Variants in GLYAT observed in about 807,000 individuals in gnomAD.
GLYAT encodes the protein glycine N-acyltransferase.
In GLYAT, 25 loss-of-function variants were observed where a neutral mutation model predicts 22.8. The observed-to-expected ratio is 1.09, with a 90% CI of 0.80 to 1.53. The LOEUF is 1.53. Ranked by LOEUF, GLYAT falls within the 40% of genes most tolerant of loss-of-function variation. GLYAT has a pLI of 0.00. For missense variants in GLYAT, 411 were observed against 353.9 expected, an observed-to-expected ratio of 1.16 and a Z score of -1.29; for synonymous variants, 140 against 122.7, an observed-to-expected ratio of 1.14 and a Z score of -0.93.
chr11:58,713,262 C>A (rs1189627589), intron 3 of GLYAT, among the ~76,000 whole-genome samples: 1 of 151,994 alleles, frequency 6.6e-6, no homozygotes, highest in African/African-American at 2.4e-5. Flanking sequence ...ATAATTATTT[C>A]TGAATTCTTT....
intron 1 of GLYAT, among the ~76,000 whole-genome samples, chr11:58,726,555 T>C (rs1382168031): frequency 1.3e-5 from 2 of 152,138 alleles, no homozygotes; most frequent in Non-Finnish European, 2.9e-5. Context: ...CTTAGCCCTG[T>C]CCTCCTTATT....
intron 1 of GLYAT, among the ~76,000 whole-genome samples, chr11:58,726,744 TCTTG>T (rs1466823700): frequency 6.6e-6 from 1 of 152,046 alleles, no homozygotes; most frequent in East Asian, 1.9e-4. Context: ...ACCTTGAAGG[TCTTG>T]CAGCATATTG....
At chr11:58,717,128 G>GC (rs1329995769) in intron 2 of GLYAT, among the ~76,000 whole-genome samples, 2 of 151,458 alleles carry the variant, frequency 1.3e-5, no homozygotes, top group South Asian at 2.1e-4. Flanking sequence ...ATTTGGGGGG[G>GC]CCCAAGATAT....
Position 58,726,766 on chromosome 11 carries a change from A to G in GLYAT, c.-15-2255T>C, listed in dbSNP as rs148204166. Among the ~76,000 whole-genome samples the G allele has an allele frequency of 9.9e-5, 15 of 152,186 alleles. No homozygotes were observed. In the East Asian group the frequency reaches 2.7e-3, roughly 27 times the overall value. On this transcript the variant is annotated intron_variant, in intron 1 of 5. Transcript: ENST00000344743. ...AGGTCTTGCAGCATATTGAAAAGGGAGTAGGAGTGATTAGAGAAATGGAGA... is the reference window on the plus strand; with the variant it reads ...AGGTCTTGCAGCATATTGAAAAGGGGGTAGGAGTGATTAGAGAAATGGAGA...
chr11:58,712,684 A>G, intron 4 of GLYAT, 76 bp downstream of exon 4: 1 of 1,233,530 alleles, frequency 8.1e-7, no homozygotes, highest in South Asian at 1.3e-5. Context: ...AGCTTGGAGG[A>G]AGGAGGTATA....
rs765863145 is a variant in GLYAT at position 58,715,435 on chromosome 11, C to T, written c.82-12G>A. On this transcript the variant is annotated splice_polypyrimidine_tract_variant and intron_variant, in intron 2 of 5. Coordinates refer to ENST00000344743, the MANE Select transcript of GLYAT (RefSeq NM_201648.3). ...ACAGTTCCATAAACCTGCAGGATCCCAAGAAATTGACAGGGTTGGTTTATT... is the reference window on the plus strand; with the variant it reads ...ACAGTTCCATAAACCTGCAGGATCCTAAGAAATTGACAGGGTTGGTTTATT... The T allele has an allele frequency of 2.3e-5, 28 of 1,233,656 alleles. 1 individual carries two copies. Among genetic ancestry groups the T allele is most frequent in the African/African-American group, 3.0e-5 (2 of 66,398 alleles). The allele number at this position is 1,233,656 out of a possible 1,614,324, so 76.4% of individuals were successfully genotyped here. A position where few individuals can be genotyped will look rare whatever the true frequency, so the allele number is the denominator to read the frequency against.
intron 1 of GLYAT, among the ~76,000 whole-genome samples, chr11:58,726,186 G>C (rs1856810144): frequency 6.6e-6 from 1 of 152,010 alleles, no homozygotes; most frequent in African/African-American, 2.4e-5. Context: ...TGACATATCT[G>C]GGTGTGGGAT....
chr11:58,724,233 T>G, intron 2 of GLYAT, 183 bp downstream of exon 2: 1 of 483,714 alleles, frequency 2.1e-6, no homozygotes, highest in Non-Finnish European at 3.7e-6. Context: ...TGAGTCTTCA[T>G]TTTCTTAACA....
At chr11:58,716,406 C>G (rs1002985734) in intron 2 of GLYAT, among the ~76,000 whole-genome samples, 11 of 151,882 alleles carry the variant, frequency 7.2e-5, no homozygotes, top group Non-Finnish European at 1.2e-4. Context: ...ACATGAAATA[C>G]TGATGTTAGA....
At chr11:58,717,490 T>C (rs1856698429) in intron 2 of GLYAT, among the ~76,000 whole-genome samples, 1 of 152,054 alleles carries the variant, frequency 6.6e-6, no homozygotes, top group Non-Finnish European at 1.5e-5. Context: ...GTTGTTTGGC[T>C]TCAGTTTTCA....
chr11:58,715,174 A>G, intron 3 of GLYAT, 142 bp downstream of exon 3: 3 of 553,762 alleles, frequency 5.4e-6, no homozygotes, highest in Non-Finnish European at 9.5e-6. Context: ...TGTCTTTCAG[A>G]CTCCGAGCTT....
At position 58,712,906 on chromosome 11, in the gene GLYAT, G is replaced by C. The variant is rs764921951; in HGVS notation, c.190-20C>G. 2 of 1,530,990 alleles carry C rather than the reference G, an allele frequency of 1.3e-6. No homozygotes were observed. The highest frequency in any genetic ancestry group is 1.8e-6 in the Non-Finnish European group (2 of 1,112,632). The allele number at this position is 1,530,990 out of a possible 1,614,324, so 94.8% of individuals were successfully genotyped here. A position where few individuals can be genotyped will look rare whatever the true frequency, so the allele number is the denominator to read the frequency against. ...CATATCCTGTTATCATTAGGAAAAA[G>C]GAAATAAAACACATCCTTATATTTT... On this transcript the variant is annotated intron_variant, in intron 3 of 5. Coordinates refer to ENST00000344743, the MANE Select transcript of GLYAT (RefSeq NM_201648.3).
At chr11:58,719,783 A>G (rs1856726677) in intron 2 of GLYAT, among the ~76,000 whole-genome samples, 1 of 152,044 alleles carries the variant, frequency 6.6e-6, no homozygotes, top group African/African-American at 2.4e-5. Flanking sequence ...AAAAGCATAT[A>G]CAGGAAGATA....
chr11:58,709,884 C>A lies in GLYAT; in HGVS notation c.773G>T (p.Gly258Val), dbSNP rs1394041069. The part of the protein sequence containing the change: ...YSHAQKLGKL[G>V]FPVYSHVDYS... ...GTCTACATGAGAATAGACAGGAAACCCAAGTTTGCCCAATTTCTGGGCGTG... is the reference window on the plus strand; with the variant it reads ...GTCTACATGAGAATAGACAGGAAACACAAGTTTGCCCAATTTCTGGGCGTG... The change falls in exon 6 of 6, where the codon GGG (glycine) becomes GTG (valine). Residue 258 changes from glycine to valine, a missense_variant. Coordinates refer to ENST00000344743, the MANE Select transcript of GLYAT (RefSeq NM_201648.3). The A allele has an allele frequency of 2.5e-6, 4 of 1,613,956 alleles. No homozygotes were observed. The highest frequency in any genetic ancestry group is 3.4e-6 in the Non-Finnish European group (4 of 1,179,996).
rs1221277583 is a variant in GLYAT, at chr11:58,731,882, A to T, written c.-63T>A. The stretch of plus-strand genomic sequence containing the variant: ...TGTTTCCGGGAAGAAACGATGAGCA[A>T]CACCCTTCTGGGAGATGAAATTTCT... On this transcript the variant is annotated 5_prime_UTR_variant, in exon 1 of 6. In the 5' UTR this introduces an upstream ATG that the reference lacks. Transcript: ENST00000344743. 2.6e-5 allele frequency: 4 copies of T among 152,158 alleles called. No individual in the cohort carries two copies. The highest frequency in any genetic ancestry group is 2.6e-4 in the Admixed American group (4 of 15,262). The allele number at this position is 152,158 out of a possible 1,614,324, so 9.4% of individuals were successfully genotyped here.
Position 58,712,896 on chromosome 11 carries a change from T to C in GLYAT, c.190-10A>G, listed in dbSNP as rs202197375. On this transcript the variant is annotated splice_polypyrimidine_tract_variant and intron_variant, in intron 3 of 5. Coordinates refer to ENST00000344743, the MANE Select transcript of GLYAT (RefSeq NM_201648.3). ...GGTCATCTGTCATATCCTGTTATCA[T>C]TAGGAAAAAGGAAATAAAACACATC... 1.3e-6 allele frequency: 2 copies of C among 1,566,788 alleles called. No homozygotes were observed. Among genetic ancestry groups the C allele is most frequent in the African/African-American group, 1.4e-5 (1 of 73,982 alleles).
At chr11:58,728,158 G>C (rs921157313) in intron 1 of GLYAT, among the ~76,000 whole-genome samples, 1 of 142,342 alleles carries the variant, frequency 7.0e-6, no homozygotes, top group African/African-American at 2.7e-5. Context: ...CACCTCCCAG[G>C]TTCAAGCAAT....
intron 2 of GLYAT, 27 bp downstream of exon 2, chr11:58,724,388 TA>T: frequency 7.8e-7 from 1 of 1,290,174 alleles, no homozygotes; most frequent in South Asian, 1.2e-5. Context: ...TTGTCTTCTT[TA>T]CTCCTCTCAG....
At position 58,710,751 on chromosome 11, in the gene GLYAT, A is replaced by G; in HGVS notation, c.327T>C (p.Pro109=). 6.2e-7 allele frequency: 1 copy of G among 1,601,700 alleles called. No homozygotes were observed. Among genetic ancestry groups the G allele is most frequent in the Non-Finnish European group, 8.6e-7 (1 of 1,168,766 alleles). The change falls in exon 5 of 6, where the codon CCT becomes CCC. Residue 109 remains proline, a synonymous_variant. Coordinates refer to ENST00000344743, the MANE Select transcript of GLYAT (RefSeq NM_201648.3). ...KQHLQIQSSQ[P]SLNEAIQNLA... is the part of the protein sequence containing the mutation. ...GATTTTGTATAGCCTCATTCAGGCTAGGCTGTGAACCTAGACGGTATAATA... is the reference window on the plus strand; with the variant it reads ...GATTTTGTATAGCCTCATTCAGGCTGGGCTGTGAACCTAGACGGTATAATA...
Sources: gnomAD v4.1 joint callset for allele counts (sites outside exome capture counted in the v4.1 genomes callset) on GRCh38, gnomAD v4.1.1 for gene constraint, MANE v1.5 for transcripts, NCBI Gene and HGNC (gene_info 2026-07-23, HGNC 2026-07-21) for gene names.